The following SHMT1 variants were observed in gnomAD, a reference collection of about 807,000 sequenced individuals.
The protein encoded by SHMT1 is serine hydroxymethyltransferase 1, also known as serine hydroxymethyltransferase, cytosolic.
A neutral mutation model predicts 49.0 loss-of-function variants in SHMT1; 45 were observed. The observed-to-expected ratio is 0.92, with a 90% CI of 0.72 to 1.18. SHMT1 has a LOEUF of 1.18. Among genes scored for constraint, SHMT1 ranks in the 50% most tolerant of loss-of-function variants. SHMT1 has a pLI of 0.00. For missense variants in SHMT1, 541 were observed against 612.4 expected (o/e 0.88, Z 1.23); for synonymous variants, 232 against 246.6 (o/e 0.94, Z 0.55).
At position 18,335,612 on chromosome 17, in the gene SHMT1, T is replaced by C. The variant is rs780259143; in HGVS notation, c.878A>G (p.Asn293Ser). Residue 293 changes from asparagine (N) to serine (S), a missense_variant, in exon 8 of 12, where the codon AAT becomes AGT. Asn to Ser is a conservative substitution (Grantham distance 46, BLOSUM62 1). Transcript: ENST00000316694. ...EILYNLESLI[N>S]SAVFPGLQGG... Reference sequence around the variant, plus strand: ...CTGCAGGCCAGGGAACACAGCAGAATTGATAAGAGACTCCAGGTTGTACAG... The same window carrying C: ...CTGCAGGCCAGGGAACACAGCAGAACTGATAAGAGACTCCAGGTTGTACAG... 1.2e-6 allele frequency: 2 copies of C among 1,614,146 alleles called. No homozygotes were observed. Among genetic ancestry groups the C allele is most frequent in the Non-Finnish European group, 1.7e-6 (2 of 1,180,026 alleles).
chr17:18,350,929 C>T (rs1382042422), intron 3 of SHMT1, among the ~76,000 whole-genome samples: 1 of 151,640 alleles, frequency 6.6e-6, no homozygotes, highest in Non-Finnish European at 1.5e-5. Context: ...GACAGGGTTT[C>T]GACATGTTGG....
chr17:18,351,496 C>A (rs888501651), intron 3 of SHMT1, among the ~76,000 whole-genome samples: 14 of 151,876 alleles, frequency 9.2e-5, no homozygotes, highest in African/African-American at 3.1e-4. Flanking sequence ...CAGTGGCTCA[C>A]GCCTGTAATC....
chr17:18,340,129 G>A lies in SHMT1; in HGVS notation c.728C>T (p.Ser243Phe). The change falls in exon 7 of 12, where the codon TCC (serine) becomes TTC (phenylalanine). Residue 243 changes from serine to phenylalanine, a missense_variant. Physicochemically the swap from Ser to Phe is radical, Grantham distance 155. Coordinates refer to ENST00000316694, the MANE Select transcript of SHMT1 (RefSeq NM_004169.5). The surrounding 1 kb of genome is among the most constrained non-coding windows in gnomAD (Gnocchi z 4.5). ...CACCACATGGCAGTGTTCAAATGGG[G>A]AGGGCACCACGCCAGCCGCCACCAG... ...SGLVAAGVVPSPFEHCHVVTT... is the reference protein window; with the variant it reads ...SGLVAAGVVPFPFEHCHVVTT... The A allele has an allele frequency of 6.2e-7, 1 of 1,614,182 alleles. No homozygotes were observed. The highest frequency in any genetic ancestry group is 8.5e-7 in the Non-Finnish European group (1 of 1,180,034).
At chr17:18,330,154 T>TA (rs1349282572) in intron 10 of SHMT1, among the ~76,000 whole-genome samples, 4 of 150,868 alleles carry the variant, frequency 2.7e-5, no homozygotes, top group Non-Finnish European at 3.0e-5. Context: ...TTTTTTTTTT[T>TA]AGACAGAGTC....
Position 18,333,160 on chromosome 17 carries a change from C to T in SHMT1, c.1054+6G>A, listed in dbSNP as rs73981307. 4.1e-4 allele frequency: 663 copies of T among 1,614,032 alleles called. 4 individuals carry two copies. In the African/African-American group the frequency reaches 8.1e-3, roughly 20 times the overall value. ...CAGGCCTGCTGAACACCATCTGTGT[C>T]TCTACCTGTGACTATTTTGTAGCCC... is the stretch of plus-strand genomic sequence containing the variant. On this transcript the variant is annotated splice_donor_region_variant and intron_variant, in intron 9 of 11. Coordinates refer to ENST00000316694, the MANE Select transcript of SHMT1 (RefSeq NM_004169.5).
intron 7 of SHMT1, among the ~76,000 whole-genome samples, chr17:18,335,900 TG>T (rs147653679): frequency 1.3e-5 from 2 of 152,302 alleles, no homozygotes; most frequent in African/African-American, 4.8e-5. Flanking sequence ...TGACTCTGGC[TG>T]GAATACTGGT....
chr17:18,348,638 C>CA, intron 3 of SHMT1, 198 bp from the exon 4 acceptor site: 1 of 699,182 alleles, frequency 1.4e-6, no homozygotes, highest in Non-Finnish European at 2.7e-6. Context: ...GTCAAGAGAC[C>CA]AAACCAGCTG....
chr17:18,335,615 A>G lies in SHMT1; in HGVS notation c.875T>C (p.Ile292Thr), dbSNP rs1385469652. ...CAGGCCAGGGAACACAGCAGAATTGATAAGAGACTCCAGGTTGTACAGAAT... is the reference window on the plus strand; with the variant it reads ...CAGGCCAGGGAACACAGCAGAATTGGTAAGAGACTCCAGGTTGTACAGAAT... ...KEILYNLESL[I>T]NSAVFPGLQG... Residue 292 changes from isoleucine (I) to threonine (T), a missense_variant, in exon 8 of 12, where the codon ATC becomes ACC. Ile to Thr is a moderately conservative substitution (Grantham distance 89). Transcript: ENST00000316694. The G allele has an allele frequency of 1.2e-6, 2 of 1,614,136 alleles. No homozygotes were observed.
intron 7 of SHMT1, 104 bp downstream of exon 7, chr17:18,339,939 G>A: frequency 8.9e-7 from 1 of 1,119,180 alleles, no homozygotes; most frequent in South Asian, 1.3e-5. Context: ...ATTTTCCAAG[G>A]ATCCCAGGTC....
intron 9 of SHMT1, chr17:18,331,248 T>C: frequency 9.4e-6 from 2 of 211,928 alleles, no homozygotes; most frequent in Non-Finnish European, 1.9e-5. Flanking sequence ...GCTGGGGTAG[T>C]GCCTTGGGTG....
chr17:18,339,908 T>G, intron 7 of SHMT1, 135 bp downstream of exon 7: 2 of 915,132 alleles, frequency 2.2e-6, no homozygotes, highest in Non-Finnish European at 3.4e-6. Context: ...AAGCAGCTCT[T>G]TAAGGGACTG....
chr17:18,350,473 T>C (rs1044309220), intron 3 of SHMT1, among the ~76,000 whole-genome samples: 1 of 150,914 alleles, frequency 6.6e-6, no homozygotes, highest in African/African-American at 2.4e-5. Flanking sequence ...CAGCAAGACC[T>C]CATGTCTATT....
At position 18,353,779 on chromosome 17, in the gene SHMT1, CCTCTG is replaced by C; in HGVS notation, c.130_134del (p.Gln44GlyfsTer26). 1.9e-6 allele frequency: 3 copies of C among 1,614,154 alleles called. No homozygotes were observed. The highest frequency in any genetic ancestry group is 2.5e-6 in the Non-Finnish European group (3 of 1,179,996). ...CCGAGGCAATCAGCTCCAATCCAAC[CCTCTG>C]CCGGTTACTCTCCTTCTTAATGATG... On this transcript the variant is annotated frameshift_variant, in exon 3 of 12. Coordinates refer to ENST00000316694, the MANE Select transcript of SHMT1 (RefSeq NM_004169.5). LOFTEE classifies it high-confidence loss of function.
chr17:18,357,800 C>CA (rs367574663), intron 1 of SHMT1, among the ~76,000 whole-genome samples: 6 of 137,704 alleles, frequency 4.4e-5, no homozygotes, highest in East Asian at 4.2e-4. Context: ...GGCATTGCTA[C>CA]AAAAAAAAAA....
chr17:18,359,895 G>A (rs1036370411), intron 1 of SHMT1, among the ~76,000 whole-genome samples: 2 of 150,994 alleles, frequency 1.3e-5, no homozygotes, highest in South Asian at 2.1e-4. Context: ...GTAGTGAGCA[G>A]AGATCACACC....
chr17:18,336,735 A>G (rs989726830), intron 7 of SHMT1, among the ~76,000 whole-genome samples: 2 of 152,122 alleles, frequency 1.3e-5, no homozygotes, highest in African/African-American at 4.8e-5. Flanking sequence ...ACTTGAACCC[A>G]GGAGTTCAAG....
intron 7 of SHMT1, among the ~76,000 whole-genome samples, chr17:18,336,591 G>A (rs1426089857): frequency 3.9e-5 from 6 of 152,002 alleles, no homozygotes; most frequent in African/African-American, 9.7e-5. Context: ...CGTTGAACCC[G>A]GGAGGTGGAG....
At chr17:18,354,248 G>A (rs894644479) in intron 2 of SHMT1, among the ~76,000 whole-genome samples, 3 of 152,100 alleles carry the variant, frequency 2.0e-5, no homozygotes, top group South Asian at 2.1e-4. Context: ...AGAAACCCTC[G>A]TCTCTACTAA....
intron 7 of SHMT1, among the ~76,000 whole-genome samples, chr17:18,337,851 G>A (rs1276125003): frequency 6.6e-6 from 1 of 152,242 alleles, no homozygotes; most frequent in Non-Finnish European, 1.5e-5. Flanking sequence ...CGGGATTGCA[G>A]ACGGAGTCTC....
Sources: gnomAD v4.1 joint callset for allele counts (sites outside exome capture counted in the v4.1 genomes callset) on GRCh38, gnomAD v4.1.1 for gene constraint, Gnocchi (gnomAD v3.1) non-coding constraint, MANE v1.5 for transcripts, NCBI Gene and HGNC (gene_info 2026-07-23, HGNC 2026-07-21) for gene names.